The following PCM1 variants were observed in gnomAD, a reference collection of about 807,000 sequenced individuals.
The protein encoded by PCM1 is pericentriolar material 1 protein.
Under a neutral mutation model 241.9 loss-of-function variants are expected in PCM1, and 157 were observed. The ratio of observed to expected loss-of-function variants is 0.65; its 90% CI spans 0.57 to 0.74. The LOEUF (loss-of-function observed/expected upper bound fraction) is 0.74, where lower values mean the gene tolerates loss of function less well. Ranked by LOEUF, PCM1 falls within the 30% of genes least tolerant of loss-of-function variation. The probability of loss-of-function intolerance (pLI) is 0.00; values close to 1 mark genes in which losing one functional copy is unlikely to be tolerated. For synonymous variants in PCM1, 1,085 were observed against 784.9 expected, an observed-to-expected ratio of 1.38 and a Z score of -6.39; for missense variants, 3,478 against 2,360.1, an observed-to-expected ratio of 1.47 and a Z score of -9.81.
At chr8:17,945,402 C>T (rs1006609627) in intron 6 of PCM1, among the ~76,000 whole-genome samples, 2 of 152,112 alleles carry the variant, frequency 1.3e-5, no homozygotes, top group Admixed American at 1.3e-4. Context: ...TACCAAGATC[C>T]AGGTAGGCTA....
chr8:17,933,507 T>A (rs1189941444), intron 2 of PCM1, among the ~76,000 whole-genome samples: 1 of 152,204 alleles, frequency 6.6e-6, no homozygotes, highest in East Asian at 1.9e-4. Flanking sequence ...CCAATCTACA[T>A]TTAGAAAAAG....
chr8:17,979,990 T>C (rs1473116402), intron 23 of PCM1, among the ~76,000 whole-genome samples: 1 of 151,862 alleles, frequency 6.6e-6, no homozygotes, highest in Non-Finnish European at 1.5e-5. Flanking sequence ...TGGAATTTAA[T>C]ATATTGACCG....
Position 17,960,173 on chromosome 8 carries a change from A to T in PCM1, c.2192+8A>T. 6.4e-7 allele frequency: 1 copy of T among 1,561,102 alleles called. No individual in the cohort carries two copies. ...AGTAAATGAAAAGGCAAGGTATGTT[A>T]AGCTTTTGGCCTTCATTTAATATAA... On this transcript the variant is annotated splice_region_variant and intron_variant, in intron 14 of 38. Coordinates refer to ENST00000325083, the MANE Select transcript of PCM1 (RefSeq NM_006197.4).
rs1172670655 is a variant in PCM1, at chr8:17,957,549, A to G, written c.1814A>G (p.Tyr605Cys). The change falls in exon 13 of 39, where the codon TAT becomes TGT. Residue 605 changes from tyrosine (Y) to cysteine (C), a missense_variant. Coordinates refer to ENST00000325083, the MANE Select transcript of PCM1 (RefSeq NM_006197.4). ...LNMPPSLDCR[Y>C]NREGEQEIHV... ...TACATGTTTTCAGCAGATTGTCGAT[A>G]TAATAGAGAAGGGGAACAGGAGATT... 1 of 1,582,666 alleles carries G rather than the reference A, an allele frequency of 6.3e-7. No homozygotes were observed. Among genetic ancestry groups the G allele is most frequent in the South Asian group, 1.1e-5 (1 of 88,544 alleles).
chr8:17,991,165 T>C (rs1401133264), intron 27 of PCM1, among the ~76,000 whole-genome samples: 1 of 152,118 alleles, frequency 6.6e-6, no homozygotes, highest in Non-Finnish European at 1.5e-5. Context: ...GTTGCGTTGT[T>C]TTCATCAGAA....
intron 1 of PCM1, among the ~76,000 whole-genome samples, chr8:17,924,107 C>G (rs554270521): frequency 6.6e-6 from 1 of 152,084 alleles, no homozygotes; most frequent in Non-Finnish European, 1.5e-5. Context: ...CCTACCACCC[C>G]CGCCCCATAA....
At chr8:17,937,709 T>C (rs990295732) in intron 4 of PCM1, among the ~76,000 whole-genome samples, 1 of 152,220 alleles carries the variant, frequency 6.6e-6, no homozygotes, top group Non-Finnish European at 1.5e-5. Context: ...CAGTTTAGTA[T>C]ATATATCATT....
chr8:17,964,778 A>C lies in PCM1; in HGVS notation c.2855+10A>C. 6.3e-7 allele frequency: 1 copy of C among 1,596,104 alleles called. No individual in the cohort carries two copies. The highest frequency in any genetic ancestry group is 8.6e-7 in the Non-Finnish European group (1 of 1,163,926). ...AGGAAACTAAAAATAGGTTAGTTTC[A>C]GTATTTTAATTTTGTGCTTAATTTA... On this transcript the variant is annotated intron_variant, in intron 18 of 38. Transcript: ENST00000325083.
chr8:18,005,835 T>C (rs1208290923), intron 29 of PCM1, among the ~76,000 whole-genome samples: 1 of 152,116 alleles, frequency 6.6e-6, no homozygotes, highest in Non-Finnish European at 1.5e-5. Flanking sequence ...ATGTCAATAA[T>C]GTGAAGGTTG....
At chr8:18,001,188 G>T (rs1204832966) in intron 29 of PCM1, among the ~76,000 whole-genome samples, 1 of 152,140 alleles carries the variant, frequency 6.6e-6, no homozygotes, top group East Asian at 1.9e-4. Context: ...TATGTTGATG[G>T]CTGCTATGAG....
Position 17,991,650 on chromosome 8 carries a change from T to C in PCM1, c.4640T>C (p.Ile1547Thr), listed in dbSNP as rs770119698. ...AATATGAGATGCACCTGCAGGATTA[T>C]TGAGGATGGAGATGGTGCTGGTGCA... ...NSNMRCTCRI[I>T]EDGDGAGAGT... is the part of the protein sequence containing the mutation. Residue 1547 changes from isoleucine to threonine, a missense_variant, in exon 28 of 39, where the codon ATT (isoleucine) becomes ACT (threonine). Transcript: ENST00000325083. The C allele has an allele frequency of 1.3e-5, 20 of 1,566,448 alleles. No homozygotes were observed. The highest frequency in any genetic ancestry group is 4.1e-5 in the African/African-American group (3 of 73,818).
chr8:18,015,346 G>A (rs532205222), intron 36 of PCM1, among the ~76,000 whole-genome samples: 1 of 151,780 alleles, frequency 6.6e-6, no homozygotes, highest in African/African-American at 2.4e-5. Context: ...TTGAGCAGAG[G>A]AAAGCAAAAA....
intron 2 of PCM1, among the ~76,000 whole-genome samples, chr8:17,931,896 A>G (rs1214342316): frequency 6.6e-6 from 1 of 152,162 alleles, no homozygotes; most frequent in African/African-American, 2.4e-5. Context: ...AGTATAAATA[A>G]TTACGTAAAC....
rs1338276366 is a variant in PCM1, at chr8:17,957,269, C to T, written c.1652C>T (p.Pro551Leu). 3 of 1,580,820 alleles carry T rather than the reference C, an allele frequency of 1.9e-6. No homozygotes were observed. The highest frequency in any genetic ancestry group is 2.6e-6 in the Non-Finnish European group (3 of 1,162,800). Residue 551 changes from proline (P) to leucine (L), a missense_variant, in exon 12 of 39, where the codon CCA becomes CTA. Transcript: ENST00000325083. ...GGCTGTTTTCTTTCTTCTAGAAATC[C>T]ACAAGTAGCTTCCACTTGGAATGAA... The part of the protein sequence containing the change: ...NSEPVTNIRN[P>L]QVASTWNEVN...
chr8:17,926,496 G>A (rs931679317), intron 2 of PCM1: 2 of 152,168 alleles, frequency 1.3e-5, no homozygotes, highest in African/African-American at 4.8e-5. Flanking sequence ...CATTTTAAAA[G>A]TATCTATGTG....
chr8:17,950,541 A>ATTTT, intron 7 of PCM1, 74 bp from the exon 8 acceptor site: 1 of 763,342 alleles, frequency 1.3e-6, no homozygotes, highest in East Asian at 2.8e-5. Flanking sequence ...TTTTAAATTT[A>ATTTT]TTTTTAGCTT....
rs112077549 is a variant in PCM1, at chr8:17,931,491, G to T, written c.-22-4098G>T. Reference sequence around the variant, plus strand: ...TTTAGTAGAGATAGGATTTCGTTATGTTGGCCAGGCTGGTATTGAATTCCT... The same window carrying T: ...TTTAGTAGAGATAGGATTTCGTTATTTTGGCCAGGCTGGTATTGAATTCCT... On this transcript the variant is annotated intron_variant, in intron 2 of 38. Coordinates refer to ENST00000325083, the MANE Select transcript of PCM1 (RefSeq NM_006197.4). Among the ~76,000 whole-genome samples the T allele has an allele frequency of 9.6e-3, 1,460 of 152,188 alleles. 20 individuals are homozygous for T. The highest frequency in any genetic ancestry group is 0.032 in the African/African-American group (1,325 of 41,522).
At chr8:17,948,945 A>G (rs1194576423) in intron 7 of PCM1, among the ~76,000 whole-genome samples, 1 of 152,176 alleles carries the variant, frequency 6.6e-6, no homozygotes, top group African/African-American at 2.4e-5. Context: ...TTTCTGTTTT[A>G]TAGAGAAGGA....
rs759955775 is a variant in PCM1, at chr8:18,011,816, C to A, written c.5500C>A (p.His1834Asn). The change falls in exon 34 of 39, where the codon CAT becomes AAT. Residue 1834 changes from histidine to asparagine, a missense_variant. Physicochemically the swap from His to Asn is moderately conservative, Grantham distance 68 (BLOSUM62 1). Coordinates refer to ENST00000325083, the MANE Select transcript of PCM1 (RefSeq NM_006197.4). ...ANTEATEENE[H>N]DEQVLQRDFK... ...CACTGAAGCTACTGAAGAAAATGAA[C>A]ATGATGAACAGGTATTCCCGTATTG... The A allele has an allele frequency of 1.2e-6, 2 of 1,612,784 alleles. No individual in the cohort carries two copies. The highest frequency in any genetic ancestry group is 1.7e-6 in the Non-Finnish European group (2 of 1,179,522).
Sources: allele counts gnomAD v4.1 joint callset (sites outside exome capture counted in the v4.1 genomes callset), GRCh38; gene constraint gnomAD v4.1.1; transcripts MANE v1.5; gene names NCBI Gene and HGNC (gene_info 2026-07-23, HGNC 2026-07-21).